XYLT1: variants seen among roughly 807,000 people sequenced by gnomAD.
The protein encoded by XYLT1 is xylosyltransferase 1.
XYLT1 carries 36 observed loss-of-function variants against 91.3 expected under a neutral mutation model. The ratio of observed to expected loss-of-function variants is 0.39; its 90% CI spans 0.30 to 0.52. XYLT1 has a LOEUF of 0.52. XYLT1 is among the 20% of genes least tolerant of loss of function. XYLT1 has a pLI of 0.68. For missense variants in XYLT1, 1,242 were observed against 1,284.5 expected (o/e 0.97, Z 0.51); for synonymous variants, 588 against 532.0 (o/e 1.11, Z -1.45).
In XYLT1 at chr16:17,278,603, A is replaced by G. The variant is rs1344232718; in HGVS notation, c.403-19105T>C. Reference sequence around the variant, plus strand: ...GTGGAGCTTCATGGAGCTCCACTTCATCATCTGTTGGCTTCACATCATCCC... The same window carrying G: ...GTGGAGCTTCATGGAGCTCCACTTCGTCATCTGTTGGCTTCACATCATCCC... On this transcript the variant is annotated intron_variant, in intron 2 of 11. Transcript: ENST00000261381. Among the ~76,000 whole-genome samples the G allele has an allele frequency of 3.9e-5, 6 of 152,316 alleles. No individual in the cohort carries two copies. In the East Asian group the frequency reaches 1.2e-3, roughly 29 times the overall value.
intron 5 of XYLT1, among the ~76,000 whole-genome samples, chr16:17,195,041 T>C (rs765003758): frequency 6.6e-6 from 1 of 152,236 alleles, no homozygotes; most frequent in Non-Finnish European, 1.5e-5. Flanking sequence ...CTGTGCTACA[T>C]TGTGCCCAGG....
chr16:17,333,954 A>G (rs996039443), intron 2 of XYLT1, among the ~76,000 whole-genome samples: 7 of 152,186 alleles, frequency 4.6e-5, no homozygotes, highest in African/African-American at 1.7e-4. Context: ...TGATCAGGCC[A>G]GAAGAGTTCC....
At chr16:17,115,141 C>T (rs1290442137) in intron 11 of XYLT1, among the ~76,000 whole-genome samples, 6 of 151,844 alleles carry the variant, frequency 4.0e-5, no homozygotes, top group African/African-American at 1.5e-4. Context: ...CCGCACCCGG[C>T]TGGGCACATA....
At chr16:17,149,945 T>A (rs1295948126) in intron 6 of XYLT1, among the ~76,000 whole-genome samples, 3 of 152,332 alleles carry the variant, frequency 2.0e-5, no homozygotes, top group Admixed American at 2.0e-4. Flanking sequence ...TTATGTTTTT[T>A]TCCTTTATCA....
chr16:17,170,824 G>C (rs2031804199), intron 5 of XYLT1, among the ~76,000 whole-genome samples: 1 of 152,150 alleles, frequency 6.6e-6, no homozygotes, highest in Non-Finnish European at 1.5e-5. Flanking sequence ...TAATGTATCA[G>C]AATTTGCAGT....
intron 3 of XYLT1, among the ~76,000 whole-genome samples, chr16:17,235,434 T>TG (rs1407195829): frequency 1.3e-5 from 2 of 150,736 alleles, no homozygotes; most frequent in African/African-American, 4.9e-5. Context: ...CATTTACAAA[T>TG]GGGGTTCAGA....
chr16:17,172,846 G>C (rs1037754484), intron 5 of XYLT1, among the ~76,000 whole-genome samples: 5 of 152,086 alleles, frequency 3.3e-5, no homozygotes, highest in Non-Finnish European at 7.4e-5. Flanking sequence ...AGTTGTATGG[G>C]CCCATTTCAT....
intron 2 of XYLT1, among the ~76,000 whole-genome samples, chr16:17,344,239 T>C (rs950715167): frequency 3.3e-5 from 5 of 151,420 alleles, no homozygotes; most frequent in Non-Finnish European, 5.9e-5. Context: ...TCCCAGCACT[T>C]TGGGAGGCCA....
chr16:17,233,073 G>C, intron 3 of XYLT1, among the ~76,000 whole-genome samples: 1 of 152,064 alleles, frequency 6.6e-6, no homozygotes, highest in Admixed American at 6.5e-5. Flanking sequence ...CACATACAAA[G>C]AGGGGCCGTT....
chr16:17,335,248 A>C (rs1056134740), intron 2 of XYLT1, among the ~76,000 whole-genome samples: 3 of 151,886 alleles, frequency 2.0e-5, no homozygotes. Flanking sequence ...AACAAACAAA[A>C]AAAAAACTAC....
At chr16:17,126,123 C>G (rs1255233075) in intron 10 of XYLT1, among the ~76,000 whole-genome samples, 2 of 152,194 alleles carry the variant, frequency 1.3e-5, no homozygotes, top group Admixed American at 1.3e-4. Flanking sequence ...CAAGTTAGGG[C>G]TCTCTGCATC....
intron 1 of XYLT1, among the ~76,000 whole-genome samples, chr16:17,400,600 A>G (rs1023890954): frequency 7.0e-6 from 1 of 143,582 alleles, no homozygotes. Flanking sequence ...AAAAAAAAAG[A>G]AAGAGAGGGA....
chr16:17,368,908 G>T (rs1366561280), intron 1 of XYLT1, among the ~76,000 whole-genome samples: 1 of 151,924 alleles, frequency 6.6e-6, no homozygotes, highest in Admixed American at 6.6e-5. Flanking sequence ...ATGACATTAA[G>T]TATTTCCTTG....
At chr16:17,206,193 G>A (rs1815518716) in intron 3 of XYLT1, among the ~76,000 whole-genome samples, 1 of 152,148 alleles carries the variant, frequency 6.6e-6, no homozygotes, top group Non-Finnish European at 1.5e-5. Context: ...TCACAGATGA[G>A]GAAAAGTTTC....
chr16:17,261,766 T>A (rs1193075249), intron 2 of XYLT1, among the ~76,000 whole-genome samples: 2 of 151,752 alleles, frequency 1.3e-5, no homozygotes, highest in Non-Finnish European at 2.9e-5. Context: ...AGCTGGGAGG[T>A]AACAAGGTAG....
At chr16:17,120,989 G>A (rs1004887982) in intron 10 of XYLT1, among the ~76,000 whole-genome samples, 4 of 152,024 alleles carry the variant, frequency 2.6e-5, no homozygotes, top group Non-Finnish European at 2.9e-5. Context: ...GCCTATTAAC[G>A]TATCCACCCA....
At position 17,311,336 on chromosome 16, in the gene XYLT1, C is replaced by G. The variant is rs544719181; in HGVS notation, c.402+46676G>C. Among the ~76,000 whole-genome samples the G allele has an allele frequency of 7.9e-5, 12 of 152,254 alleles. No homozygotes were observed. The South Asian group carries it at 1.7e-3, about 21-fold the overall frequency. On this transcript the variant is annotated intron_variant, in intron 2 of 11. Coordinates refer to ENST00000261381, the MANE Select transcript of XYLT1 (RefSeq NM_022166.4). ...GTCCTCTGGTTCATGTGAGCAGCCTCGTGGGCTGCTCATGGGCTTCAGTAG... is the reference window on the plus strand; with the variant it reads ...GTCCTCTGGTTCATGTGAGCAGCCTGGTGGGCTGCTCATGGGCTTCAGTAG...
intron 2 of XYLT1, among the ~76,000 whole-genome samples, chr16:17,322,427 G>C (rs1747973371): frequency 2.0e-5 from 3 of 152,146 alleles, no homozygotes; most frequent in Non-Finnish European, 4.4e-5. Context: ...GGGACGCTGA[G>C]ACAGAGTGCT....
chr16:17,259,541 A>C (rs758335069), intron 2 of XYLT1, 43 bp from the exon 3 acceptor site: 12 of 1,587,868 alleles, frequency 7.6e-6, no homozygotes, highest in Non-Finnish European at 1.0e-5. Context: ...CTTGACTGAG[A>C]GATCATGCTA....
Sources: allele counts gnomAD v4.1 joint callset (sites outside exome capture counted in the v4.1 genomes callset), GRCh38; gene constraint gnomAD v4.1.1; transcripts MANE v1.5; gene names NCBI Gene and HGNC (gene_info 2026-07-23, HGNC 2026-07-21).